TMEM108: variants seen among roughly 807,000 people sequenced by gnomAD.
TMEM108 encodes cancer/testis antigen 124.
In TMEM108, 12 loss-of-function variants were observed where a neutral mutation model predicts 35.1. The ratio of observed to expected loss-of-function variants is 0.34; its 90% CI spans 0.22 to 0.55. The LOEUF (loss-of-function observed/expected upper bound fraction) is 0.55. TMEM108 is among the 20% of genes least tolerant of loss of function. The pLI is 0.89. For synonymous variants in TMEM108, 287 were observed against 308.6 expected, an observed-to-expected ratio of 0.93 and a Z score of 0.73; for missense variants, 680 against 753.3, an observed-to-expected ratio of 0.90 and a Z score of 1.14.
At chr3:133,187,059 G>A (rs901771871) in intron 2 of TMEM108, among the ~76,000 whole-genome samples, 2 of 152,306 alleles carry the variant, frequency 1.3e-5, no homozygotes, top group Non-Finnish European at 2.9e-5. Context: ...GCCCTTCACA[G>A]TTGTAACATT....
At position 133,185,760 on chromosome 3, in the gene TMEM108, G is replaced by GTTTCT. The variant is rs1230590710; in HGVS notation, c.-46-43482_-46-43478dup. On this transcript the variant is annotated intron_variant, in intron 2 of 5. Transcript: ENST00000321871. ...TTGGCCAATGAATTGGGGACCTTGC[G>GTTTCT]TTTCTTTTCTTTTCTTTTCTTTTCT... is the stretch of plus-strand genomic sequence containing the variant. 1.2e-3 allele frequency among the ~76,000 whole-genome samples: 161 copies of GTTTCT among 131,960 alleles called. 11 individuals are homozygous for GTTTCT. The highest frequency in any genetic ancestry group is 3.6e-3 in the Middle Eastern group (1 of 274). The allele number at this position is 131,960 out of a possible 152,430, so 86.6% of individuals were successfully genotyped here.
chr3:133,200,711 C>A (rs1336808308), intron 2 of TMEM108, among the ~76,000 whole-genome samples: 1 of 152,182 alleles, frequency 6.6e-6, no homozygotes, highest in East Asian at 1.9e-4. Flanking sequence ...TTCTGTATTA[C>A]ACACTCATTG....
rs1008671133 is a variant in TMEM108, at chr3:133,390,788, G to A, written c.1605+454G>A. 7.2e-5 allele frequency among the ~76,000 whole-genome samples: 11 copies of A among 152,198 alleles called. 1 individual carries two copies. Among genetic ancestry groups the A allele is most frequent in the African/African-American group, 2.4e-4 (10 of 41,444 alleles). On this transcript the variant is annotated intron_variant, in intron 5 of 5. Transcript: ENST00000321871. ...AGACAAAGAGCTGTGGAAACCCAAG[G>A]AGGAAAGCCTTCCCAGTGCAGATGC...
At chr3:133,312,154 T>G (rs1272725896) in intron 3 of TMEM108, among the ~76,000 whole-genome samples, 1 of 152,250 alleles carries the variant, frequency 6.6e-6, no homozygotes, top group African/African-American at 2.4e-5. Context: ...CAGCCCCTAC[T>G]GGGAGGTATC....
At chr3:133,309,979 C>T (rs1417670485) in intron 3 of TMEM108, among the ~76,000 whole-genome samples, 1 of 152,126 alleles carries the variant, frequency 6.6e-6, no homozygotes. Flanking sequence ...GGATTACAGG[C>T]GTGAGCCACC....
At chr3:133,282,660 T>C (rs183910855) in intron 3 of TMEM108, among the ~76,000 whole-genome samples, 1 of 152,320 alleles carries the variant, frequency 6.6e-6, no homozygotes, top group East Asian at 1.9e-4. Context: ...TGCTTCTCCA[T>C]TTGCCCATCA....
At chr3:133,048,209 G>T (rs1393415894) in intron 2 of TMEM108, among the ~76,000 whole-genome samples, 1 of 152,170 alleles carries the variant, frequency 6.6e-6, no homozygotes, top group Non-Finnish European at 1.5e-5. Flanking sequence ...TGTATAATTA[G>T]ACCAAAGGAC....
chr3:133,154,768 G>A (rs1365471390), intron 2 of TMEM108, among the ~76,000 whole-genome samples: 1 of 152,102 alleles, frequency 6.6e-6, no homozygotes, highest in African/African-American at 2.4e-5. Flanking sequence ...GCTAAATGAA[G>A]AGTTAATGGG....
At chr3:133,054,089 C>A (rs777706526) in intron 2 of TMEM108, among the ~76,000 whole-genome samples, 1 of 152,120 alleles carries the variant, frequency 6.6e-6, no homozygotes, top group African/African-American at 2.4e-5. Context: ...TGAGACCCCA[C>A]TGGGGTAGAG....
chr3:133,274,085 A>G (rs1332000319), intron 3 of TMEM108, among the ~76,000 whole-genome samples: 13 of 152,116 alleles, frequency 8.5e-5, no homozygotes, highest in African/African-American at 2.4e-4. Flanking sequence ...TTTCACCCCA[A>G]TGCTTCCCAG....
At chr3:133,334,468 T>A (rs1344122736) in intron 3 of TMEM108, among the ~76,000 whole-genome samples, 1 of 151,968 alleles carries the variant, frequency 6.6e-6, no homozygotes, top group African/African-American at 2.4e-5. Flanking sequence ...TCATTATGGG[T>A]GTATGAAAGT....
At chr3:133,376,210 G>T (rs1177496883) in intron 3 of TMEM108, among the ~76,000 whole-genome samples, 1 of 152,246 alleles carries the variant, frequency 6.6e-6, no homozygotes, top group South Asian at 2.1e-4. Flanking sequence ...TGATGGGAAA[G>T]TCAGGGGAAT....
intron 2 of TMEM108, among the ~76,000 whole-genome samples, chr3:133,165,305 T>C (rs1214415287): frequency 6.6e-6 from 1 of 152,182 alleles, no homozygotes; most frequent in African/African-American, 2.4e-5. Flanking sequence ...AAAAGGCAGC[T>C]CTTGAGATCC....
intron 2 of TMEM108, among the ~76,000 whole-genome samples, chr3:133,149,469 T>C (rs1944766848): frequency 6.6e-6 from 1 of 152,204 alleles, no homozygotes; most frequent in African/African-American, 2.4e-5. Context: ...ACCCATCTTA[T>C]AACTGAAAGT....
At chr3:133,151,032 G>T (rs1272317948) in intron 2 of TMEM108, among the ~76,000 whole-genome samples, 1 of 152,152 alleles carries the variant, frequency 6.6e-6, no homozygotes, top group African/African-American at 2.4e-5. Context: ...TTCGTGGCCT[G>T]TGTACCTGCT....
At chr3:133,235,002 A>G (rs1043637408) in intron 3 of TMEM108, among the ~76,000 whole-genome samples, 7 of 151,596 alleles carry the variant, frequency 4.6e-5, no homozygotes, top group African/African-American at 1.5e-4. Flanking sequence ...CCCATTCACA[A>G]TTGCTTCAAA....
chr3:133,344,305 A>T (rs925737609), intron 3 of TMEM108, among the ~76,000 whole-genome samples: 7 of 151,852 alleles, frequency 4.6e-5, no homozygotes, highest in African/African-American at 1.7e-4. Flanking sequence ...TATTAGAAAA[A>T]GTTAAAAATT....
At position 133,353,990 on chromosome 3, in the gene TMEM108, T is replaced by C. The variant is rs964276796; in HGVS notation, c.41-25762T>C. ...ATTTGCTTGTGTCCTTTAAGCTTGC[T>C]TAGCAATAAGGCTGCAGGAGGCAGG... On this transcript the variant is annotated intron_variant, in intron 3 of 5. Coordinates refer to ENST00000321871, the MANE Select transcript of TMEM108 (RefSeq NM_023943.4). Among the ~76,000 whole-genome samples the C allele has an allele frequency of 2.0e-5, 3 of 152,192 alleles. No homozygotes were observed. The East Asian group carries it at 5.8e-4, about 29-fold the overall frequency.
At chr3:133,094,221 A>ACCCCGCCCCCCACC (rs1559830325) in intron 2 of TMEM108, among the ~76,000 whole-genome samples, 1 of 34,250 alleles carries the variant, frequency 2.9e-5, no homozygotes. Flanking sequence ...CCCACCTCCC[A>ACCCCGCCCCCCACC]CCCCACCCCC....
Sources: allele counts gnomAD v4.1 joint callset (sites outside exome capture counted in the v4.1 genomes callset), GRCh38; gene constraint gnomAD v4.1.1; transcripts MANE v1.5; gene names NCBI Gene and HGNC (gene_info 2026-07-23, HGNC 2026-07-21).